The following PLD1 variants were observed in gnomAD, a reference collection of about 807,000 sequenced individuals.
The protein encoded by PLD1 is choline phosphatase 1.
PLD1 carries 112 observed loss-of-function variants against 137.1 expected under a neutral mutation model. The ratio of observed to expected loss-of-function variants is 0.82; its 90% CI spans 0.70 to 0.96. The LOEUF is 0.96. Among genes scored for constraint, PLD1 ranks in the 40% least tolerant of loss-of-function variants. PLD1 has a pLI of 0.00. For synonymous variants in PLD1, 431 were observed against 454.7 expected, an observed-to-expected ratio of 0.95 and a Z score of 0.66; for missense variants, 1,321 against 1,342.0, an observed-to-expected ratio of 0.98 and a Z score of 0.24.
Position 171,612,534 on chromosome 3 carries a change from T to A in PLD1, c.2729-102A>T. 6 of 1,150,410 alleles carry A rather than the reference T, an allele frequency of 5.2e-6. No homozygotes were observed. In the South Asian group the frequency reaches 8.4e-5, roughly 16 times the overall value. The allele number at this position is 1,150,410 out of a possible 1,614,324, so 71.3% of individuals were successfully genotyped here. ...ATCCTTGCAAACAAAACCGTAATTT[T>A]GTCCAGGTTTTCAAGGGAAGATGTG... On this transcript the variant is annotated intron_variant, in intron 24 of 26. Transcript: ENST00000351298. The surrounding 1 kb of genome is among the most constrained non-coding windows in gnomAD (Gnocchi z 4.1).
At chr3:171,644,817 C>T (rs1425487277) in intron 22 of PLD1, 93 bp downstream of exon 22, 6 of 787,596 alleles carry the variant, frequency 7.6e-6, no homozygotes, top group Admixed American at 1.8e-5. Flanking sequence ...CCCCACTCCA[C>T]CGAATGGATG....
At chr3:171,807,509 G>A (rs756059528) in intron 1 of PLD1, among the ~76,000 whole-genome samples, 1 of 152,080 alleles carries the variant, frequency 6.6e-6, no homozygotes, top group African/African-American at 2.4e-5. Context: ...CTTAAAAATG[G>A]CTACAATGGT....
intron 23 of PLD1, among the ~76,000 whole-genome samples, chr3:171,623,897 T>C (rs1274605843): frequency 7.2e-6 from 1 of 139,368 alleles, no homozygotes; most frequent in East Asian, 2.1e-4. Context: ...GGATCAGAGA[T>C]AAAAATGTAA....
intron 21 of PLD1, among the ~76,000 whole-genome samples, chr3:171,650,279 G>A (rs1736616490): frequency 6.6e-6 from 1 of 152,180 alleles, no homozygotes; most frequent in South Asian, 2.1e-4. Flanking sequence ...TCAATGTGAG[G>A]ATATGAGAGC....
chr3:171,713,646 T>C (rs1459556026), intron 9 of PLD1, among the ~76,000 whole-genome samples: 1 of 152,218 alleles, frequency 6.6e-6, no homozygotes, highest in Non-Finnish European at 1.5e-5. Flanking sequence ...AACTGGCAAA[T>C]TGAGTAGTAA....
rs537370347 is a variant in PLD1, at chr3:171,745,505, G to C, written c.-31-7423C>G. On this transcript the variant is annotated intron_variant, in intron 1 of 26. Coordinates refer to ENST00000351298, the MANE Select transcript of PLD1 (RefSeq NM_002662.5). ...ACAATCTCAGCCTCCTTCTGGGCAA[G>C]AGCAGGGCTTTGGCACAGCCTCCAT... Among the ~76,000 whole-genome samples the C allele has an allele frequency of 1.7e-4, 26 of 152,358 alleles. No homozygotes were observed. The South Asian group carries it at 5.2e-3, about 30-fold the overall frequency.
At position 171,699,654 on chromosome 3, in the gene PLD1, T is replaced by G. The variant is rs1257363573; in HGVS notation, c.1227+91A>C. 5.7e-6 allele frequency: 5 copies of G among 880,588 alleles called. No individual in the cohort carries two copies. The African/African-American group carries it at 8.3e-5, about 15-fold the overall frequency. 54.5% of individuals were successfully genotyped at this position (880,588 alleles called of 1,614,324 possible). A position where few individuals can be genotyped will look rare whatever the true frequency, so the allele number is the denominator to read the frequency against. ...TTTTGTCAAACTCTAAAGTGAAAAG[T>G]TATACGTGTGAAAGGCTTTGAAAAG... is the stretch of plus-strand genomic sequence containing the variant. On this transcript the variant is annotated intron_variant, in intron 12 of 26. Transcript: ENST00000351298.
chr3:171,780,694 T>C (rs947587695), intron 1 of PLD1, among the ~76,000 whole-genome samples: 4 of 152,118 alleles, frequency 2.6e-5, no homozygotes, highest in Non-Finnish European at 4.4e-5. Flanking sequence ...AACTGACCAC[T>C]GGATACAGAA....
chr3:171,618,164 G>GA (rs1560148278), intron 24 of PLD1, among the ~76,000 whole-genome samples: 1 of 152,258 alleles, frequency 6.6e-6, no homozygotes, highest in East Asian at 1.9e-4. Context: ...GACCTCTTTA[G>GA]ACTCCCAGGG....
chr3:171,654,999 A>G (rs978129305), intron 21 of PLD1, among the ~76,000 whole-genome samples: 12 of 152,154 alleles, frequency 7.9e-5, no homozygotes, highest in Admixed American at 3.9e-4. Flanking sequence ...CTGGATTCCA[A>G]CGCTGGCAGA....
chr3:171,681,714 A>T (rs539832860), intron 16 of PLD1, among the ~76,000 whole-genome samples: 1 of 152,330 alleles, frequency 6.6e-6, no homozygotes, highest in South Asian at 2.1e-4. Flanking sequence ...TCAATGAATT[A>T]CTAAAATATT....
intron 19 of PLD1, among the ~76,000 whole-genome samples, chr3:171,665,297 A>G (rs573107333): frequency 6.6e-6 from 1 of 152,324 alleles, no homozygotes; most frequent in South Asian, 2.1e-4. Context: ...ATGGAAGGGG[A>G]CGCCTGAAGG....
chr3:171,737,685 A>T (rs1468932097), intron 2 of PLD1, 26 bp from the exon 3 acceptor site: 1 of 1,449,780 alleles, frequency 6.9e-7, no homozygotes, highest in African/African-American at 1.4e-5. Context: ...AATAAAGTTA[A>T]TGCAATATAT....
At chr3:171,698,574 A>G (rs889094998) in intron 12 of PLD1, among the ~76,000 whole-genome samples, 2 of 152,178 alleles carry the variant, frequency 1.3e-5, no homozygotes, top group African/African-American at 4.8e-5. Flanking sequence ...GATAGGAAAG[A>G]AGAAATGAGT....
At chr3:171,608,803 G>A (rs1211966150) in intron 25 of PLD1, among the ~76,000 whole-genome samples, 2 of 151,978 alleles carry the variant, frequency 1.3e-5, no homozygotes, top group African/African-American at 4.8e-5. Flanking sequence ...ACAAGCACCA[G>A]GAGAAGACAC....
intron 23 of PLD1, among the ~76,000 whole-genome samples, chr3:171,624,949 G>C (rs567587421): frequency 1.3e-5 from 2 of 152,200 alleles, no homozygotes; most frequent in South Asian, 4.1e-4. Flanking sequence ...AAAGATGGTT[G>C]GGGTAGAAAC....
At chr3:171,678,222 C>A (rs1440771699) in intron 16 of PLD1, among the ~76,000 whole-genome samples, 1 of 152,166 alleles carries the variant, frequency 6.6e-6, no homozygotes, top group Non-Finnish European at 1.5e-5. Context: ...TTACAGATAG[C>A]CCATGTTCCA....
intron 6 of PLD1, among the ~76,000 whole-genome samples, chr3:171,726,331 A>C (rs1359283182): frequency 6.6e-6 from 1 of 152,122 alleles, no homozygotes; most frequent in Non-Finnish European, 1.5e-5. Flanking sequence ...ATGCTCAAGA[A>C]GCTTGGAGAG....
intron 23 of PLD1, among the ~76,000 whole-genome samples, chr3:171,626,321 A>G (rs189140137): frequency 1.3e-5 from 2 of 152,148 alleles, no homozygotes; most frequent in African/African-American, 4.8e-5. Context: ...AAAAAGAAAC[A>G]AACAAAGCCT....
Sources: gnomAD v4.1 joint callset for allele counts (sites outside exome capture counted in the v4.1 genomes callset) on GRCh38, gnomAD v4.1.1 for gene constraint, Gnocchi (gnomAD v3.1) non-coding constraint, MANE v1.5 for transcripts, NCBI Gene and HGNC (gene_info 2026-07-23, HGNC 2026-07-21) for gene names.